BLTP3A: variants seen among roughly 807,000 people sequenced by gnomAD.
BLTP3A encodes the protein ICBP90 binding protein 1.
At chr6:34,845,258 G>A in the BLTP3A span, among the ~76,000 whole-genome samples, 5 of 152,096 alleles carry the variant, frequency 3.3e-5, no homozygotes, top group East Asian at 1.9e-4. Context: ...TTATAGCACC[G>A]TAGTATAATT....
chr6:34,840,547 C>G, the BLTP3A span, among the ~76,000 whole-genome samples: 24 of 150,854 alleles, frequency 1.6e-4, no homozygotes, highest in African/African-American at 5.8e-4. Flanking sequence ...GCCTGGGGGA[C>G]AAGAGCGAGA....
At chr6:34,860,805 A>G in the BLTP3A span, among the ~76,000 whole-genome samples, 3 of 152,178 alleles carry the variant, frequency 2.0e-5, no homozygotes, top group African/African-American at 4.8e-5. Context: ...GCCTTTTCTA[A>G]ATGGAGACAA....
At chr6:34,869,413 AT>A in the BLTP3A span, among the ~76,000 whole-genome samples, 1 of 152,058 alleles carries the variant, frequency 6.6e-6, no homozygotes, top group African/African-American at 2.4e-5. Flanking sequence ...ACTATCCTGA[AT>A]TTGTATTCAT....
At chr6:34,848,787 G>C in the BLTP3A span, among the ~76,000 whole-genome samples, 991 of 151,988 alleles carry the variant, frequency 6.5e-3, 11 homozygotes, top group African/African-American at 0.023. Context: ...TGTGTCTTTT[G>C]ATTGGAGTGT....
the BLTP3A span, among the ~76,000 whole-genome samples, chr6:34,794,628 C>T: frequency 8.5e-5 from 13 of 152,142 alleles, no homozygotes; most frequent in Admixed American, 6.5e-4. Flanking sequence ...GATCTAGTTT[C>T]GTACCTCATT....
At chr6:34,821,684 A>G in the BLTP3A span, 12 of 1,613,388 alleles carry the variant, frequency 7.4e-6, no homozygotes, top group Non-Finnish European at 1.0e-5. Flanking sequence ...AGACAAAATC[A>G]ACCTGAGCAC....
the BLTP3A span, chr6:34,859,551 G>A: frequency 6.2e-7 from 1 of 1,613,974 alleles, no homozygotes. Context: ...TGCACAAGAT[G>A]TTGTCCCTGC....
chr6:34,825,300 CTTTTTTCTTTTT>C, the BLTP3A span, among the ~76,000 whole-genome samples: 1 of 151,168 alleles, frequency 6.6e-6, no homozygotes, highest in Non-Finnish European at 1.5e-5. Flanking sequence ...GGCCTCTTTT[CTTTTTTCTTTTT>C]TTTTTCTTTT....
the BLTP3A span, among the ~76,000 whole-genome samples, chr6:34,826,778 T>G: frequency 6.6e-6 from 1 of 152,208 alleles, no homozygotes; most frequent in Non-Finnish European, 1.5e-5. Flanking sequence ...CCAAGTGAGC[T>G]CCTGTGTCCT....
At chr6:34,801,795 C>T in the BLTP3A span, among the ~76,000 whole-genome samples, 1 of 152,132 alleles carries the variant, frequency 6.6e-6, no homozygotes, top group Non-Finnish European at 1.5e-5. Flanking sequence ...CATCTCCGCT[C>T]ACTGCAAGCT....
At chr6:34,868,082 G>A in the BLTP3A span, among the ~76,000 whole-genome samples, 2 of 151,074 alleles carry the variant, frequency 1.3e-5, no homozygotes, top group African/African-American at 4.9e-5. Flanking sequence ...TGAGGTGGGT[G>A]GATCACCTGA....
the BLTP3A span, among the ~76,000 whole-genome samples, chr6:34,817,114 C>T: frequency 6.6e-6 from 1 of 152,314 alleles, no homozygotes; most frequent in East Asian, 1.9e-4. Context: ...TCCTTAGGGG[C>T]ATGCACTGTC....
At chr6:34,855,536 A>G in the BLTP3A span, 1 of 1,531,792 alleles carries the variant, frequency 6.5e-7, no homozygotes, top group Non-Finnish European at 9.0e-7. Context: ...CTGGTCGTTA[A>G]GAGGACTTCT....
At chr6:34,841,821 CTG>C in the BLTP3A span, among the ~76,000 whole-genome samples, 1 of 152,164 alleles carries the variant, frequency 6.6e-6, no homozygotes, top group African/African-American at 2.4e-5. Context: ...AAAAATCAAA[CTG>C]GAGCTCACAT....
At chr6:34,827,604 A>G in the BLTP3A span, among the ~76,000 whole-genome samples, 29 of 152,268 alleles carry the variant, frequency 1.9e-4, no homozygotes, top group African/African-American at 5.8e-4. Context: ...TTAGGGATGT[A>G]TGGTCAAAAT....
the BLTP3A span, chr6:34,872,379 C>T: frequency 6.2e-7 from 1 of 1,613,120 alleles, no homozygotes; most frequent in Non-Finnish European, 8.5e-7. Context: ...CAATGCCAAC[C>T]AGGATAAAGA....
At chr6:34,806,249 TTGCTCTTAAGG>T in the BLTP3A span, among the ~76,000 whole-genome samples, 2 of 152,246 alleles carry the variant, frequency 1.3e-5, no homozygotes, top group African/African-American at 4.8e-5. Flanking sequence ...GTCCCAGTTC[TTGCTCTTAAGG>T]ATCTCATAGT....
At chr6:34,804,667 G>A in the BLTP3A span, among the ~76,000 whole-genome samples, 1 of 152,162 alleles carries the variant, frequency 6.6e-6, no homozygotes, top group Non-Finnish European at 1.5e-5. Context: ...CTAGATCATG[G>A]AGGCCTTTTG....
At chr6:34,849,021 C>A in the BLTP3A span, among the ~76,000 whole-genome samples, 1 of 135,036 alleles carries the variant, frequency 7.4e-6, no homozygotes, top group Non-Finnish European at 1.5e-5. Flanking sequence ...TTTTTAGAGA[C>A]AAAGTCTTGC....
Sources: gnomAD v4.1 joint callset for allele counts (sites outside exome capture counted in the v4.1 genomes callset) on GRCh38, gnomAD v4.1.1 for gene constraint, MANE v1.5 for transcripts, NCBI Gene and HGNC (gene_info 2026-07-23, HGNC 2026-07-21) for gene names.